NRIP1: variants seen among roughly 807,000 people sequenced by gnomAD.
The protein encoded by NRIP1 is nuclear receptor-interacting protein 1.
Under a neutral mutation model 75.0 loss-of-function variants are expected in NRIP1, and 28 were observed. The observed-to-expected ratio is 0.37, with a 90% CI of 0.28 to 0.51. The LOEUF (loss-of-function observed/expected upper bound fraction) is 0.51. NRIP1 is among the 20% of genes least tolerant of loss of function. NRIP1 has a pLI of 0.92. For synonymous variants in NRIP1, 526 were observed against 487.6 expected, an observed-to-expected ratio of 1.08 and a Z score of -1.04; for missense variants, 1,435 against 1,343.7, an observed-to-expected ratio of 1.07 and a Z score of -1.06.
chr21:15,056,291 T>TAA (rs113146551), intron 1 of NRIP1, among the ~76,000 whole-genome samples: 3 of 123,284 alleles, frequency 2.4e-5, no homozygotes, highest in African/African-American at 6.0e-5. Context: ...AATTCAAAGT[T>TAA]AAAAAAAAAA....
At chr21:15,037,658 A>G (rs2088865560) in intron 2 of NRIP1, among the ~76,000 whole-genome samples, 1 of 149,156 alleles carries the variant, frequency 6.7e-6, no homozygotes, top group Non-Finnish European at 1.5e-5. Flanking sequence ...GAAAACTAGT[A>G]GGGTTCAAAA....
At position 14,964,402 on chromosome 21, in the gene NRIP1, T is replaced by C. The variant is rs997446277; in HGVS notation, c.*314A>G. On this transcript the variant is annotated 3_prime_UTR_variant, in exon 4 of 4. Transcript: ENST00000318948. ...GGCAGCAAAATGCATTAATCCACTA[T>C]GAATGGAGTTTTACATTTTAATTTA... 1.5e-5 allele frequency: 3 copies of C among 200,182 alleles called. No individual in the cohort carries two copies. The Admixed American group carries it at 1.6e-4, about 11-fold the overall frequency. 12.4% of individuals were successfully genotyped at this position (200,182 alleles called of 1,614,324 possible).
chr21:14,986,802 A>T (rs565539919), intron 3 of NRIP1, among the ~76,000 whole-genome samples: 18 of 152,344 alleles, frequency 1.2e-4, no homozygotes, highest in Non-Finnish European at 2.5e-4. Context: ...ATCCTTCATA[A>T]TACCAGATTA....
At chr21:14,979,960 T>C (rs2253231) in intron 3 of NRIP1, among the ~76,000 whole-genome samples, 59,508 of 152,022 alleles carry the variant, frequency 0.39, 12,094 homozygotes, top group East Asian at 0.6. Context: ...TGCTCTCTCA[T>C]AATTCCAAGC....
intron 3 of NRIP1, among the ~76,000 whole-genome samples, chr21:15,007,389 A>G (rs2147142521): frequency 6.6e-6 from 1 of 152,368 alleles, no homozygotes; most frequent in Admixed American, 6.5e-5. Context: ...AAACAGTGCT[A>G]TAAGATAGGG....
chr21:15,024,457 G>C (rs768437859), intron 2 of NRIP1, among the ~76,000 whole-genome samples: 1 of 152,094 alleles, frequency 6.6e-6, no homozygotes, highest in Non-Finnish European at 1.5e-5. Context: ...CAGGAGAATT[G>C]CTTGAACCCA....
intron 2 of NRIP1, among the ~76,000 whole-genome samples, chr21:15,016,595 A>G (rs1287715409): frequency 6.6e-6 from 1 of 152,132 alleles, no homozygotes; most frequent in East Asian, 1.9e-4. Flanking sequence ...ACTATATTTG[A>G]GAATGCTGGC....
At position 14,968,678 on chromosome 21, in the gene NRIP1, T is replaced by G. The variant is rs963246748; in HGVS notation, c.-334-152A>C. On this transcript the variant is annotated intron_variant, in intron 3 of 3. Transcript: ENST00000318948. ...ATGGATTATAGTCACTTTAGTAATT[T>G]GTTTTATTGCCGTTCCTATTCAATT... Among the ~76,000 whole-genome samples the G allele has an allele frequency of 5.5e-4, 84 of 152,334 alleles. 1 individual carries two copies. The highest frequency in any genetic ancestry group is 1.9e-3 in the African/African-American group (80 of 41,574).
At chr21:15,010,094 G>A (rs2088067284) in intron 3 of NRIP1, among the ~76,000 whole-genome samples, 2 of 152,122 alleles carry the variant, frequency 1.3e-5, no homozygotes, top group East Asian at 1.9e-4. Flanking sequence ...GGAAGCAAGC[G>A]AGGTTTGAAA....
intron 1 of NRIP1, chr21:15,050,076 C>G (rs1266579810): frequency 6.6e-6 from 1 of 152,152 alleles, no homozygotes; most frequent in Non-Finnish European, 1.5e-5. Flanking sequence ...ATACTAATTC[C>G]TATTGTTATC....
At chr21:14,992,567 G>A (rs1434957155) in intron 3 of NRIP1, 1 of 151,960 alleles carries the variant, frequency 6.6e-6, no homozygotes. Context: ...AGATGGGTTT[G>A]CTACAAAATA....
intron 3 of NRIP1, among the ~76,000 whole-genome samples, chr21:15,006,624 G>C (rs1440316484): frequency 6.6e-6 from 1 of 152,044 alleles, no homozygotes; most frequent in Non-Finnish European, 1.5e-5. Context: ...AATTTAATAA[G>C]GTCTAAGAGG....
intron 3 of NRIP1, among the ~76,000 whole-genome samples, chr21:14,994,868 T>C (rs1340816318): frequency 6.6e-6 from 1 of 152,196 alleles, no homozygotes; most frequent in Admixed American, 6.6e-5. Context: ...TGCTATCCTC[T>C]AAGTACTCAA....
At chr21:15,015,443 T>C (rs2088202355) in intron 2 of NRIP1, among the ~76,000 whole-genome samples, 1 of 152,118 alleles carries the variant, frequency 6.6e-6, no homozygotes, top group Non-Finnish European at 1.5e-5. Flanking sequence ...ATGTTATATG[T>C]CCGTTGATGC....
intron 3 of NRIP1, among the ~76,000 whole-genome samples, chr21:14,989,595 C>T (rs2087512360): frequency 6.6e-6 from 1 of 152,136 alleles, no homozygotes; most frequent in Non-Finnish European, 1.5e-5. Flanking sequence ...TGAACATGTC[C>T]TTTCCTCAAG....
At position 14,965,030 on chromosome 21, in the gene NRIP1, C is replaced by T. The variant is rs2086688509; in HGVS notation, c.3163G>A (p.Glu1055Lys). 2.5e-6 allele frequency: 4 copies of T among 1,613,942 alleles called. No homozygotes were observed. Among genetic ancestry groups the T allele is most frequent in the Non-Finnish European group, 3.4e-6 (4 of 1,179,918 alleles). ...TTGGTCAATCTTGGAGAGTCTTTTTCATACTCATTCTTCTCCGCATCAGTG... is the reference window on the plus strand; with the variant it reads ...TTGGTCAATCTTGGAGAGTCTTTTTTATACTCATTCTTCTCCGCATCAGTG... ...VITDAEKNEY[E>K]KDSPRLTKTN... The change falls in exon 4 of 4, where the codon GAA (glutamate) becomes AAA (lysine). Residue 1055 changes from glutamate to lysine, a missense_variant. By Grantham distance (56) the Glu-to-Lys change is moderately conservative. Transcript: ENST00000318948.
At chr21:15,061,165 A>G (rs929875106) in intron 1 of NRIP1, among the ~76,000 whole-genome samples, 1 of 152,180 alleles carries the variant, frequency 6.6e-6, no homozygotes, top group African/African-American at 2.4e-5. Context: ...TGACTTTTCA[A>G]CAGTAGTCAA....
chr21:15,012,447 CTTTTTT>C (rs869160226), intron 3 of NRIP1, among the ~76,000 whole-genome samples: 106 of 79,380 alleles, frequency 1.3e-3, no homozygotes, highest in African/African-American at 4.8e-3. Context: ...ATTATAATGT[CTTTTTT>C]TTTTTTTTTT....
At chr21:15,045,211 T>C (rs1001131179) in intron 1 of NRIP1, among the ~76,000 whole-genome samples, 2 of 152,130 alleles carry the variant, frequency 1.3e-5, no homozygotes, top group African/African-American at 4.8e-5. Context: ...GGGACTCTAG[T>C]GTCGCTGTCT....
Sources: gnomAD v4.1 joint callset for allele counts (sites outside exome capture counted in the v4.1 genomes callset) on GRCh38, gnomAD v4.1.1 for gene constraint, MANE v1.5 for transcripts, NCBI Gene and HGNC (gene_info 2026-07-23, HGNC 2026-07-21) for gene names.